The following GREB1 variants were observed in gnomAD, a reference collection of about 807,000 sequenced individuals.
GREB1 encodes the protein growth regulating estrogen receptor binding 1.
In GREB1, 106 loss-of-function variants were observed where a neutral mutation model predicts 200.7. The observed-to-expected ratio is 0.53, with a 90% CI of 0.45 to 0.62. The LOEUF (loss-of-function observed/expected upper bound fraction) is 0.62, where lower values mean the gene tolerates loss of function less well. GREB1 is among the 20% of genes least tolerant of loss of function. The pLI is 0.00. For missense variants in GREB1, 2,243 were observed against 2,556.8 expected, an observed-to-expected ratio of 0.88 and a Z score of 2.65; for synonymous variants, 1,132 against 1,092.4, an observed-to-expected ratio of 1.04 and a Z score of -0.72.
intron 1 of GREB1, among the ~76,000 whole-genome samples, chr2:11,538,717 C>T (rs1674445175): frequency 8.5e-6 from 1 of 117,446 alleles, no homozygotes; most frequent in African/African-American, 3.2e-5. Flanking sequence ...TCCCTTCCTC[C>T]CTCCCCCTCT....
intron 1 of GREB1, among the ~76,000 whole-genome samples, chr2:11,495,187 G>A (rs1439976129): frequency 6.6e-6 from 1 of 152,190 alleles, no homozygotes; most frequent in Non-Finnish European, 1.5e-5. Flanking sequence ...CTGGGAAGAA[G>A]ATTGGTGGTT....
Position 11,596,172 on chromosome 2 carries a change from C to T in GREB1, c.1887C>T (p.Ser629=). Residue 629 remains serine (S), a synonymous_variant, in exon 13 of 33, where the codon TCC becomes TCT. Coordinates refer to ENST00000381486, the MANE Select transcript of GREB1 (RefSeq NM_014668.4). ...FHQENQGHIS[S]SLAASSVTKA... ...AGGAAAATCAAGGCCATATTTCTTCCTCACTCGCTGCCTCTTCTGTCACTA... is the reference window on the plus strand; with the variant it reads ...AGGAAAATCAAGGCCATATTTCTTCTTCACTCGCTGCCTCTTCTGTCACTA... 6.2e-7 allele frequency: 1 copy of T among 1,613,590 alleles called. No individual in the cohort carries two copies. The highest frequency in any genetic ancestry group is 2.2e-5 in the East Asian group (1 of 44,878).
chr2:11,499,947 T>A (rs565574328), intron 1 of GREB1, among the ~76,000 whole-genome samples: 1 of 152,342 alleles, frequency 6.6e-6, no homozygotes, highest in Admixed American at 6.5e-5. Flanking sequence ...TTTAAAAAAA[T>A]TGAAATGGTA....
Position 11,615,279 on chromosome 2 carries a change from T to G in GREB1, c.3311T>G (p.Leu1104Arg). The G allele has an allele frequency of 6.3e-7, 1 of 1,587,874 alleles. No individual in the cohort carries two copies. The highest frequency in any genetic ancestry group is 1.1e-5 in the South Asian group (1 of 87,842). Residue 1104 changes from leucine to arginine, a missense_variant, in exon 20 of 33, where the codon CTG becomes CGG. Leu to Arg is a moderately radical substitution (Grantham distance 102, BLOSUM62 -2). Around this residue, in one of 3 missense-constraint regions of GREB1, gnomAD observed 587 missense variants for 553.1 expected, o/e 1.06. Coordinates refer to ENST00000381486, the MANE Select transcript of GREB1 (RefSeq NM_014668.4). Reference protein sequence around the residue: ...LSSTDNEDEELGTEGSTSEKR... With the variant: ...LSSTDNEDEERGTEGSTSEKR... ...AGCACAGACAACGAGGATGAGGAGC[T>G]GGGGACAGAAGGTGAGGGATGGCTG... is the stretch of plus-strand genomic sequence containing the variant.
intron 19 of GREB1, among the ~76,000 whole-genome samples, chr2:11,614,647 T>C (rs1043362182): frequency 5.3e-5 from 8 of 152,050 alleles, no homozygotes; most frequent in African/African-American, 1.9e-4. Context: ...CACGGCAAGC[T>C]CTGCCTCCCG....
chr2:11,632,783 G>C, intron 27 of GREB1, 106 bp from the exon 28 acceptor site: 1 of 865,348 alleles, frequency 1.2e-6, no homozygotes, highest in African/African-American at 1.7e-5. Flanking sequence ...CAGGAAGGTC[G>C]GGGCTGGCTT....
intron 1 of GREB1, among the ~76,000 whole-genome samples, chr2:11,497,318 G>A (rs1012106273): frequency 1.3e-5 from 2 of 152,048 alleles, no homozygotes; most frequent in African/African-American, 4.8e-5. Context: ...CCTTTTTATT[G>A]CTGAATTGTC....
At chr2:11,520,852 A>G (rs1342385662) in intron 1 of GREB1, among the ~76,000 whole-genome samples, 1 of 152,128 alleles carries the variant, frequency 6.6e-6, no homozygotes, top group African/African-American at 2.4e-5. Context: ...TTGGGGAGCC[A>G]TTATCCTGCT....
In GREB1 at chr2:11,585,863, A is replaced by G; in HGVS notation, c.1117A>G (p.Asn373Asp). 1 of 1,614,052 alleles carries G rather than the reference A, an allele frequency of 6.2e-7. No homozygotes were observed. The highest frequency in any genetic ancestry group is 1.1e-5 in the South Asian group (1 of 91,068). Residue 373 changes from asparagine (N) to aspartate (D), a missense_variant, in exon 9 of 33, where the codon AAC (asparagine) becomes GAC (aspartate). By Grantham distance (23) the Asn-to-Asp change is conservative. This residue lies in a region of GREB1 where 1,178 missense variants were observed against 1,387.4 expected (regional missense o/e 0.85). Coordinates refer to ENST00000381486, the MANE Select transcript of GREB1 (RefSeq NM_014668.4). Reference sequence around the variant, plus strand: ...TGGAGAACCAGTGTCTGTTCCTGACAACTTGCTGAAAATATGCAAGGCCAA... The same window carrying G: ...TGGAGAACCAGTGTCTGTTCCTGACGACTTGCTGAAAATATGCAAGGCCAA... Reference protein sequence around the residue: ...ASGEPVSVPDNLLKICKAKPV... With the variant: ...ASGEPVSVPDDLLKICKAKPV...
rs757575403 is a variant in GREB1 at position 11,580,732 on chromosome 2, C to T, written c.801C>T (p.Asn267=). The part of the protein sequence containing the change: ...AGPASDHPSL[N]AAMGPAVFNG... Reference sequence around the variant, plus strand: ...CAGCTTCTGATCACCCCTCACTAAACGCAGCAATGGGTCCGGCTGTTTTCA... The same window carrying T: ...CAGCTTCTGATCACCCCTCACTAAATGCAGCAATGGGTCCGGCTGTTTTCA... The change falls in exon 7 of 33, where the codon AAC becomes AAT. Residue 267 remains asparagine (N), a synonymous_variant. Coordinates refer to ENST00000381486, the MANE Select transcript of GREB1 (RefSeq NM_014668.4). This position sits in a 1 kb window ranked among gnomAD's most constrained non-coding sequence, Gnocchi z 4.5. 39 of 1,613,896 alleles carry T rather than the reference C, an allele frequency of 2.4e-5. No individual in the cohort carries two copies. The highest frequency in any genetic ancestry group is 1.6e-4 in the Middle Eastern group (1 of 6,084).
intron 1 of GREB1, among the ~76,000 whole-genome samples, chr2:11,511,185 C>T (rs1673340400): frequency 6.6e-6 from 1 of 152,106 alleles, no homozygotes; most frequent in Non-Finnish European, 1.5e-5. Context: ...GGTGAACGGC[C>T]ATGGGTAGCC....
chr2:11,523,565 C>G (rs1477182280), intron 1 of GREB1, among the ~76,000 whole-genome samples: 1 of 152,086 alleles, frequency 6.6e-6, no homozygotes, highest in African/African-American at 2.4e-5. Context: ...GCATCCTGTC[C>G]TCGACACAGA....
intron 5 of GREB1, among the ~76,000 whole-genome samples, chr2:11,577,491 G>A (rs1400136525): frequency 2.0e-5 from 3 of 152,232 alleles, no homozygotes; most frequent in Non-Finnish European, 4.4e-5. Flanking sequence ...GAAATGTTGG[G>A]AGCAGGCTGC....
chr2:11,495,796 G>C (rs865796314), intron 1 of GREB1, among the ~76,000 whole-genome samples: 1 of 137,008 alleles, frequency 7.3e-6, no homozygotes, highest in African/African-American at 2.7e-5. Flanking sequence ...AAGTCCCCCC[G>C]TTTTTTTTTT....
In GREB1 at chr2:11,613,225, A is replaced by G. The variant is rs181765247; in HGVS notation, c.3122+615A>G. Among the ~76,000 whole-genome samples the G allele has an allele frequency of 2.6e-4, 39 of 152,284 alleles. No individual in the cohort carries two copies. The East Asian group carries it at 7.1e-3, about 28-fold the overall frequency. On this transcript the variant is annotated intron_variant, in intron 19 of 32. Transcript: ENST00000381486. ...GGGGTCTCTAGGCCACCACACAGAC[A>G]TGCGGACACTCGAGACTCAGGTCCC...
chr2:11,630,210 G>C, intron 26 of GREB1, 101 bp downstream of exon 26: 1 of 1,140,500 alleles, frequency 8.8e-7, no homozygotes, highest in Admixed American at 2.2e-5. Context: ...TGCAGACACC[G>C]ATACAGGGAC....
chr2:11,533,796 C>T (rs1674164219), upstream of GREB1, among the ~76,000 whole-genome samples: 1 of 152,162 alleles, frequency 6.6e-6, no homozygotes. Context: ...GCACACCATG[C>T]TCTCCCGCCA....
At chr2:11,595,179 A>T (rs1306803719) in intron 11 of GREB1, 72 bp from the exon 12 acceptor site, 1 of 1,374,634 alleles carries the variant, frequency 7.3e-7, no homozygotes, top group Non-Finnish European at 1.0e-6. Flanking sequence ...GGGTTAAGGG[A>T]CTAGTCTAGG....
chr2:11,577,060 A>C (rs1008412283), intron 5 of GREB1, among the ~76,000 whole-genome samples: 4 of 147,878 alleles, frequency 2.7e-5, no homozygotes, highest in Admixed American at 2.7e-4. Flanking sequence ...ACAAACGAAC[A>C]AAAAAAAAAC....
Sources: allele counts gnomAD v4.1 joint callset (sites outside exome capture counted in the v4.1 genomes callset), GRCh38; gene constraint gnomAD v4.1.1; regional missense constraint gnomAD v4.1.1; non-coding constraint Gnocchi (gnomAD v3.1); transcripts MANE v1.5; gene names NCBI Gene and HGNC (gene_info 2026-07-23, HGNC 2026-07-21).